Variants in MED16 observed in about 807,000 individuals in gnomAD.
The protein encoded by MED16 is mediator of RNA polymerase II transcription subunit 16.
In MED16, 81 loss-of-function variants were observed where a neutral mutation model predicts 84.4. The observed-to-expected ratio is 0.96, with a 90% CI of 0.80 to 1.15. The LOEUF (loss-of-function observed/expected upper bound fraction) is 1.15, where lower values mean the gene tolerates loss of function less well. Among genes scored for constraint, MED16 ranks in the 50% most tolerant of loss-of-function variants. The pLI, the probability that MED16 is intolerant of heterozygous loss-of-function variation, is 0.00. For synonymous variants in MED16, 897 were observed against 552.2 expected (o/e 1.62, Z -8.76); for missense variants, 1,585 against 1,245.9 (o/e 1.27, Z -4.10).
In MED16 at chr19:872,030, C is replaced by CA; in HGVS notation, c.1993dup (p.Trp665LeufsTer39). ...CAGGCAGCTGGGCTTCAGAAGGCCC[C>CA]AGATGCGGATGACCACCATCAATTC... On this transcript the variant is annotated frameshift_variant, in exon 12 of 16. Coordinates refer to ENST00000325464, the MANE Select transcript of MED16 (RefSeq NM_005481.3). LOFTEE classifies it high-confidence loss of function. 3 of 1,609,800 alleles carry CA rather than the reference C, an allele frequency of 1.9e-6. No individual in the cohort carries two copies. The highest frequency in any genetic ancestry group is 2.5e-6 in the Non-Finnish European group (3 of 1,178,522).
chr19:890,587 T>C (rs1228720678), intron 2 of MED16, among the ~76,000 whole-genome samples: 1 of 152,196 alleles, frequency 6.6e-6, no homozygotes, highest in African/African-American at 2.4e-5. Context: ...GACCACGTAT[T>C]ATGAGTGCCT....
At chr19:875,641 T>A (rs549462836) in intron 9 of MED16, among the ~76,000 whole-genome samples, 187 bp from the exon 10 acceptor site, 1 of 152,302 alleles carries the variant, frequency 6.6e-6, no homozygotes, top group African/African-American at 2.4e-5. Flanking sequence ...CAGGACCAGG[T>A]GCTGGGTTCT....
Position 890,236 on chromosome 19 carries a change from G to C in MED16, c.178C>G (p.Arg60Gly). The C allele has an allele frequency of 6.5e-7, 1 of 1,549,152 alleles. No homozygotes were observed. Among genetic ancestry groups the C allele is most frequent in the Non-Finnish European group, 8.7e-7 (1 of 1,146,224 alleles). ...TCCGTGTCCAGGATGTGGATCATGC[G>C]GGTCAGGTCTGTGGGGACGGGGCAT... is the stretch of plus-strand genomic sequence containing the variant. ...DLRSDDQDLT[R>G]MIHILDTEHP... is the part of the protein sequence containing the mutation. The change falls in exon 3 of 16, where the codon CGC becomes GGC. Residue 60 changes from arginine (R) to glycine (G), a missense_variant. Arg to Gly is a moderately radical substitution (Grantham distance 125). Coordinates refer to ENST00000325464, the MANE Select transcript of MED16 (RefSeq NM_005481.3).
chr19:890,688 G>A (rs149649968), intron 2 of MED16, among the ~76,000 whole-genome samples: 77 of 152,328 alleles, frequency 5.1e-4, no homozygotes, highest in Non-Finnish European at 9.6e-4. Context: ...TGGGGCACGT[G>A]TCTCCAACAA....
At chr19:868,584 T>G in intron 14 of MED16, 85 bp from the exon 15 acceptor site, 5 of 1,540,980 alleles carry the variant, frequency 3.2e-6, no homozygotes, top group Non-Finnish European at 4.4e-6. Context: ...CAGGCAGGTC[T>G]CCCTCTGCTC....
At chr19:888,007 A>G (rs2036558942) in intron 4 of MED16, among the ~76,000 whole-genome samples, 1 of 151,892 alleles carries the variant, frequency 6.6e-6, no homozygotes, top group Admixed American at 6.6e-5. Context: ...GTTCGAGACC[A>G]CCCTGACCAA....
Position 885,952 on chromosome 19 carries a change from C to T in MED16, c.697G>A (p.Gly233Ser), listed in dbSNP as rs1399021871. The T allele has an allele frequency of 4.3e-6, 7 of 1,612,502 alleles. No homozygotes were observed. The highest frequency in any genetic ancestry group is 4.5e-5 in the East Asian group (2 of 44,856). Reference protein sequence around the residue: ...GGNIVVATADGSSASPVQFYK... With the variant: ...GGNIVVATADSSSASPVQFYK... The stretch of plus-strand genomic sequence containing the variant: ...AACTGCACGGGCGACGCGCTGCTGC[C>T]GTCCGCCGTGGCCACCACGATGTTG... The change falls in exon 5 of 16, where the codon GGC becomes AGC. Residue 233 changes from glycine to serine, a missense_variant. Gly to Ser is a moderately conservative substitution (Grantham distance 56, BLOSUM62 0). Transcript: ENST00000325464.
chr19:885,570 C>T (rs949594289), intron 5 of MED16, among the ~76,000 whole-genome samples, 200 bp downstream of exon 5: 15 of 152,124 alleles, frequency 9.9e-5, no homozygotes, highest in African/African-American at 3.4e-4. Context: ...GGAAGGCGCC[C>T]CGAACCGAGG....
At chr19:888,885 C>G (rs572188943) in intron 4 of MED16, among the ~76,000 whole-genome samples, 2 of 152,248 alleles carry the variant, frequency 1.3e-5, no homozygotes, top group Non-Finnish European at 2.9e-5. Context: ...GCGAGAGCCC[C>G]AGCACAAGCA....
Position 868,082 on chromosome 19 carries a change from C to G in MED16, c.*19G>C, listed in dbSNP as rs2035955513. The G allele has an allele frequency of 1.3e-6, 2 of 1,592,544 alleles. No homozygotes were observed. The highest frequency in any genetic ancestry group is 1.7e-6 in the Non-Finnish European group (2 of 1,172,924). On this transcript the variant is annotated 3_prime_UTR_variant, in exon 16 of 16. Transcript: ENST00000325464. Reference sequence around the variant, plus strand: ...CGCCCGAGCCGGGTCACCACAAGGTCCGCCTGGACCCCCGGCCGTCACGGA... The same window carrying G: ...CGCCCGAGCCGGGTCACCACAAGGTGCGCCTGGACCCCCGGCCGTCACGGA...
chr19:876,742 G>C (rs998765544), intron 9 of MED16, among the ~76,000 whole-genome samples: 2 of 152,006 alleles, frequency 1.3e-5, no homozygotes, highest in Non-Finnish European at 2.9e-5. Flanking sequence ...ATCTGCCGTG[G>C]GGACCTCTAC....
intron 6 of MED16, among the ~76,000 whole-genome samples, chr19:883,496 G>C (rs1301121479): frequency 6.6e-6 from 1 of 151,594 alleles, no homozygotes. Flanking sequence ...TGGGGCGGTA[G>C]GGGGAGAGAT....
intron 9 of MED16, 59 bp from the exon 10 acceptor site, chr19:875,513 C>G (rs917930894): frequency 1.4e-6 from 2 of 1,391,582 alleles, no homozygotes; most frequent in African/African-American, 2.9e-5. Context: ...CGCCAAGGCT[C>G]CAGCTGAGGA....
In MED16 at chr19:868,879, ATT is replaced by A; in HGVS notation, c.2381_2382del (p.Glu794ValfsTer37). 6.4e-7 allele frequency: 1 copy of A among 1,551,192 alleles called. No homozygotes were observed. The highest frequency in any genetic ancestry group is 1.4e-5 in the African/African-American group (1 of 73,868). The stretch of plus-strand genomic sequence containing the variant: ...GCCCCTCACCTGGTGCAGGCCTTGC[ATT>A]CCTCCGTGGGGCAAGCGCCAAGGTG... The part of the protein sequence containing the change: ...RLHLGACPTE[E>X]CKACTRCGCV... On this transcript the variant is annotated frameshift_variant, in exon 14 of 16. Coordinates refer to ENST00000325464, the MANE Select transcript of MED16 (RefSeq NM_005481.3). LOFTEE classifies it high-confidence loss of function.
chr19:879,223 A>G (rs1482683824), intron 8 of MED16, among the ~76,000 whole-genome samples: 1 of 130,676 alleles, frequency 7.7e-6, no homozygotes, highest in African/African-American at 2.9e-5. Context: ...GTCAATGCCC[A>G]CCAAGCCGAG....
Position 868,208 on chromosome 19 carries a change from C to G in MED16, c.2527G>C (p.Ala843Pro), listed in dbSNP as rs1379108611. Residue 843 changes from alanine (A) to proline (P), a missense_variant, in exon 16 of 16, where the codon GCT (alanine) becomes CCT (proline). Ala to Pro is a conservative substitution (Grantham distance 27). Transcript: ENST00000325464. ...ACAAAGGCAGGGGCTTCCTCAGAAG[C>G]TCTGCTGGTCACGCAGGCGTCCGGC... is the stretch of plus-strand genomic sequence containing the variant. ...RGPDACVTSR[A>P]SEEAPAFVQL... The G allele has an allele frequency of 6.2e-7, 1 of 1,603,574 alleles. No homozygotes were observed. Among genetic ancestry groups the G allele is most frequent in the Non-Finnish European group, 8.5e-7 (1 of 1,176,322 alleles).
intron 6 of MED16, 130 bp downstream of exon 6, chr19:884,773 G>A (rs951421425): frequency 2.9e-5 from 20 of 685,022 alleles, no homozygotes; most frequent in East Asian, 2.4e-4. Context: ...ACTGGAGATC[G>A]AGGCGAGACG....
chr19:890,255 G>C lies in MED16; in HGVS notation c.170-11C>G, dbSNP rs753901870. On this transcript the variant is annotated splice_polypyrimidine_tract_variant and intron_variant, in intron 2 of 15. Coordinates refer to ENST00000325464, the MANE Select transcript of MED16 (RefSeq NM_005481.3). ...TCATGCGGGTCAGGTCTGTGGGGAC[G>C]GGGCATGGTCAGCACGGCCTGGCAC... 2 of 1,523,640 alleles carry C rather than the reference G, an allele frequency of 1.3e-6. No homozygotes were observed. Among genetic ancestry groups the C allele is most frequent in the Non-Finnish European group, 1.8e-6 (2 of 1,130,290 alleles). 94.4% of individuals were successfully genotyped at this position (1,523,640 alleles called of 1,614,324 possible). A position where few individuals can be genotyped will look rare whatever the true frequency, so the allele number is the denominator to read the frequency against.
intron 10 of MED16, among the ~76,000 whole-genome samples, chr19:874,016 G>C (rs1401312707): frequency 6.6e-6 from 1 of 152,194 alleles, no homozygotes; most frequent in South Asian, 2.1e-4. Flanking sequence ...ATGGTGACTA[G>C]GGTGGTCCCA....
Sources: allele counts gnomAD v4.1 joint callset (sites outside exome capture counted in the v4.1 genomes callset), GRCh38; gene constraint gnomAD v4.1.1; transcripts MANE v1.5; gene names NCBI Gene and HGNC (gene_info 2026-07-23, HGNC 2026-07-21).